The following XRRA1 variants were observed in gnomAD, a reference collection of about 807,000 sequenced individuals.
XRRA1 encodes the protein X-ray radiation resistance-associated protein 1.
Under a neutral mutation model 80.2 loss-of-function variants are expected in XRRA1, and 69 were observed. That is an observed-to-expected ratio of 0.86 (90% CI 0.71 to 1.05). XRRA1 has a LOEUF of 1.05. XRRA1 is among the 50% of genes least tolerant of loss of function. The pLI is 0.00. For missense variants in XRRA1, 967 were observed against 976.4 expected (o/e 0.99, Z 0.13); for synonymous variants, 348 against 389.9 (o/e 0.89, Z 1.27).
At chr11:74,939,853 G>C (rs1273701344) in intron 3 of XRRA1, among the ~76,000 whole-genome samples, 2 of 152,002 alleles carry the variant, frequency 1.3e-5, no homozygotes, top group African/African-American at 4.8e-5. Context: ...TAGAGAGAGA[G>C]AGAGAGAGAG....
intron 10 of XRRA1, among the ~76,000 whole-genome samples, chr11:74,884,896 C>A (rs1221495596): frequency 6.6e-6 from 1 of 152,024 alleles, no homozygotes; most frequent in Non-Finnish European, 1.5e-5. Context: ...AAACCAACCC[C>A]AAAGCAAGCA....
chr11:74,863,321 G>A, intron 10 of XRRA1: 1 of 416,664 alleles, frequency 2.4e-6, no homozygotes, highest in South Asian at 2.9e-5. Flanking sequence ...CTCATTCACT[G>A]TATTTCAGCC....
chr11:74,936,155 C>T (rs1277776422), intron 4 of XRRA1, among the ~76,000 whole-genome samples: 2 of 152,218 alleles, frequency 1.3e-5, no homozygotes. Flanking sequence ...GAGAACTCGA[C>T]TGCACATTAA....
chr11:74,940,943 T>C, intron 2 of XRRA1, 61 bp from the exon 3 acceptor site: 1 of 1,299,460 alleles, frequency 7.7e-7, no homozygotes, highest in South Asian at 1.3e-5. Flanking sequence ...CAGAGCACTC[T>C]TACTCCAGTG....
chr11:74,934,785 G>A (rs1944525994), intron 4 of XRRA1, among the ~76,000 whole-genome samples: 1 of 151,968 alleles, frequency 6.6e-6, no homozygotes, highest in African/African-American at 2.4e-5. Flanking sequence ...TTTATCCTAC[G>A]ACAAATAGAA....
chr11:74,930,799 T>C (rs1295456379), intron 5 of XRRA1, among the ~76,000 whole-genome samples: 1 of 152,212 alleles, frequency 6.6e-6, no homozygotes, highest in Non-Finnish European at 1.5e-5. Flanking sequence ...CAATAGTTTT[T>C]GTGTGTTTGT....
rs1945144892 is a variant in XRRA1, at chr11:74,936,953, C to G, written c.210G>C (p.Lys70Asn). The G allele has an allele frequency of 6.2e-7, 1 of 1,613,888 alleles. No individual in the cohort carries two copies. The highest frequency in any genetic ancestry group is 8.5e-7 in the Non-Finnish European group (1 of 1,179,868). ...TTTCCCGCCGAGACTCTTTCTTCCC[C>G]TTGAACTCAAAAGAAGTCGCCTTCA... is the stretch of plus-strand genomic sequence containing the variant. Reference protein sequence around the residue: ...ESLKATSFEFKGKKESRRENQ... With the variant: ...ESLKATSFEFNGKKESRRENQ... Residue 70 changes from lysine to asparagine, a missense_variant, in exon 4 of 19, where the codon AAG (lysine) becomes AAC (asparagine). Transcript: ENST00000684022.
At chr11:74,890,733 C>T (rs1437677179) in intron 10 of XRRA1, among the ~76,000 whole-genome samples, 1 of 152,184 alleles carries the variant, frequency 6.6e-6, no homozygotes, top group African/African-American at 2.4e-5. Context: ...CACCACTGAT[C>T]CCACAGAAAT....
At chr11:74,943,528 T>A (rs1447079347) in intron 2 of XRRA1, among the ~76,000 whole-genome samples, 3 of 47,648 alleles carry the variant, frequency 6.3e-5, no homozygotes, top group Non-Finnish European at 1.7e-4. Flanking sequence ...TAGGAGGGTG[T>A]GTGTGTGTGT....
At chr11:74,885,686 G>A (rs2048851188) in intron 10 of XRRA1, among the ~76,000 whole-genome samples, 1 of 152,066 alleles carries the variant, frequency 6.6e-6, no homozygotes, top group African/African-American at 2.4e-5. Context: ...AAAAATTGAG[G>A]AAGGACTCCT....
At chr11:74,926,775 T>A (rs1439449868) in intron 7 of XRRA1, among the ~76,000 whole-genome samples, 1 of 152,224 alleles carries the variant, frequency 6.6e-6, no homozygotes, top group Non-Finnish European at 1.5e-5. Context: ...AAATTTTCTG[T>A]ATTTTCTAAT....
rs189471562 is a variant in XRRA1, at chr11:74,911,718, C to T, written c.657-4445G>A. Among the ~76,000 whole-genome samples, 8 of 152,180 alleles carry T rather than the reference C, an allele frequency of 5.3e-5. No individual in the cohort carries two copies. The East Asian group carries it at 9.7e-4, about 18-fold the overall frequency. ...CCACCATTCCCCGTGGTGGTGGATC[C>T]ATCATTTTAATATGTATAAGAGATG... On this transcript the variant is annotated intron_variant, in intron 8 of 18. Coordinates refer to ENST00000684022, the MANE Select transcript of XRRA1 (RefSeq NM_001378157.1).
chr11:74,862,846 T>C (rs1270895816), intron 11 of XRRA1, 135 bp downstream of exon 11: 7 of 773,758 alleles, frequency 9.0e-6, no homozygotes, highest in African/African-American at 8.8e-5. Flanking sequence ...ACTTGGCAAC[T>C]ACCTATTCAA....
intron 9 of XRRA1, 136 bp downstream of exon 9, chr11:74,907,009 C>T: frequency 8.2e-7 from 1 of 1,226,410 alleles, no homozygotes; most frequent in East Asian, 2.4e-5. Context: ...AAATGACTTA[C>T]CCATGGCCAC....
intron 7 of XRRA1, among the ~76,000 whole-genome samples, chr11:74,923,818 G>A: frequency 6.6e-6 from 1 of 152,116 alleles, no homozygotes; most frequent in East Asian, 1.9e-4. Flanking sequence ...GCTATTTTGT[G>A]TAACCCAGGA....
At chr11:74,872,069 G>A (rs575294817) in intron 10 of XRRA1, among the ~76,000 whole-genome samples, 86 of 152,290 alleles carry the variant, frequency 5.6e-4, no homozygotes, top group African/African-American at 2.0e-3. Context: ...AGTACCTCTT[G>A]ACAACCCTGA....
At chr11:74,876,329 T>A (rs2046038689) in intron 10 of XRRA1, 1 of 152,176 alleles carries the variant, frequency 6.6e-6, no homozygotes, top group Non-Finnish European at 1.5e-5. Context: ...TTCCCATGGC[T>A]TTACTGTGGG....
At chr11:74,853,692 G>A (rs1040593951) in intron 12 of XRRA1, among the ~76,000 whole-genome samples, 1 of 152,220 alleles carries the variant, frequency 6.6e-6, no homozygotes. Context: ...TGTGTTAAGT[G>A]ATTAAGATGT....
At chr11:74,941,535 T>C (rs1374664099) in intron 2 of XRRA1, among the ~76,000 whole-genome samples, 2 of 152,110 alleles carry the variant, frequency 1.3e-5, no homozygotes, top group Non-Finnish European at 2.9e-5. Flanking sequence ...TTAGTAGTCT[T>C]GAACAATAAA....
Sources: allele counts gnomAD v4.1 joint callset (sites outside exome capture counted in the v4.1 genomes callset), GRCh38; gene constraint gnomAD v4.1.1; transcripts MANE v1.5; gene names NCBI Gene and HGNC (gene_info 2026-07-23, HGNC 2026-07-21).